Variants in PCDH11X observed in about 807,000 individuals in gnomAD.
The protein encoded by PCDH11X is protocadherin-11 X-linked.
PCDH11X carries 18 observed loss-of-function variants against 53.3 expected under a neutral mutation model. The ratio of observed to expected loss-of-function variants is 0.34; its 90% confidence interval spans 0.23 to 0.50. The LOEUF is 0.50. Ranked by LOEUF, PCDH11X falls within the 20% of genes least tolerant of loss-of-function variation. The probability of loss-of-function intolerance (pLI) is 0.98; values close to 1 mark genes in which losing one functional copy is unlikely to be tolerated. For missense variants in PCDH11X, 570 were observed against 1,032.4 expected (o/e 0.55, Z 6.14); for synonymous variants, 279 against 393.3 (o/e 0.71, Z 3.44).
At chrX:92,324,384 C>T (rs1476681213) in intron 8 of PCDH11X, among the ~76,000 whole-genome samples, 2 of 111,195 alleles carry the variant, frequency 1.8e-5, no homozygotes, top group East Asian at 5.6e-4. Context: ...CAATCTCTTT[C>T]TTCCACGTCA....
intron 6 of PCDH11X, among the ~76,000 whole-genome samples, chrX:92,064,750 C>T (rs2063580085): frequency 1.8e-5 from 2 of 109,207 alleles, no homozygotes; most frequent in Non-Finnish European, 3.8e-5. Context: ...TTGTTTTTCT[C>T]CCCGGGGGAG....
intron 6 of PCDH11X, among the ~76,000 whole-genome samples, chrX:92,140,431 A>T (rs2065159833): frequency 1.8e-5 from 2 of 110,026 alleles, no homozygotes; most frequent in Admixed American, 9.7e-5. Flanking sequence ...GTAGCTATAG[A>T]TTTTATTTAG....
At chrX:92,250,847 G>A (rs973628513) in intron 7 of PCDH11X, among the ~76,000 whole-genome samples, 4 of 108,962 alleles carry the variant, frequency 3.7e-5, no homozygotes, top group Non-Finnish European at 5.7e-5. Context: ...TTGAGAAATG[G>A]GAATATAAGA....
At chrX:92,286,286 T>A (rs1383907980) in intron 8 of PCDH11X, among the ~76,000 whole-genome samples, 1 of 108,616 alleles carries the variant, frequency 9.2e-6, no homozygotes, top group African/African-American at 3.4e-5. Context: ...CAGGAAAAAA[T>A]TATTTAATGT....
chrX:92,303,067 A>G (rs1341072063), intron 8 of PCDH11X, among the ~76,000 whole-genome samples: 2 of 108,578 alleles, frequency 1.8e-5, no homozygotes, highest in African/African-American at 3.3e-5. Context: ...GCTGTAGGAC[A>G]TCCTGTTGAA....
chrX:92,535,797 T>A (rs2074647385), intron 10 of PCDH11X, among the ~76,000 whole-genome samples: 1 of 111,832 alleles, frequency 8.9e-6, no homozygotes, highest in African/African-American at 3.2e-5. Context: ...CTACTCTAAT[T>A]TAAATGTAAT....
chrX:92,303,369 A>G (rs1286867464), intron 8 of PCDH11X, among the ~76,000 whole-genome samples: 1 of 110,642 alleles, frequency 9.0e-6, no homozygotes, highest in African/African-American at 3.3e-5. Context: ...ATTGCCTGAC[A>G]GAGTTTCAAG....
intron 9 of PCDH11X, among the ~76,000 whole-genome samples, chrX:92,467,445 T>G (rs181482950): frequency 7.2e-5 from 8 of 111,321 alleles, no homozygotes; most frequent in African/African-American, 2.6e-4. Context: ...ATTAAATAAT[T>G]CCTAAAATGC....
At chrX:92,476,233 C>T (rs2073383100) in intron 10 of PCDH11X, among the ~76,000 whole-genome samples, 1 of 111,502 alleles carries the variant, frequency 9.0e-6, no homozygotes, top group African/African-American at 3.3e-5. Context: ...TGAGGCCTCC[C>T]CAACCACGTG....
Position 92,107,001 on chromosome X carries a change from A to T in PCDH11X, c.3034-94374A>T, listed in dbSNP as rs377573448. ...CCTATTACTTGGAGGCCTCCTCTGC[A>T]TGATAAAATCGAGGTCTCCACCACC... On this transcript the variant is annotated intron_variant, in intron 6 of 10. Transcript: ENST00000682573. Among the ~76,000 whole-genome samples, 8 of 111,907 alleles carry T rather than the reference A, an allele frequency of 7.1e-5. No homozygotes were observed. The South Asian group carries it at 3.0e-3, about 42-fold the overall frequency.
rs767158029 is a variant in PCDH11X, at chrX:92,345,782, T to G, written c.3145-41953T>G. On this transcript the variant is annotated intron_variant, in intron 8 of 10. Transcript: ENST00000682573. ...GAAGTTACTCTGCAAGTTACCTTAA[T>G]AAACTCATTCATTATTTTTCAGAAT... is the stretch of plus-strand genomic sequence containing the variant. Among the ~76,000 whole-genome samples, 23 of 110,410 alleles carry G rather than the reference T, an allele frequency of 2.1e-4. No homozygotes were observed. The East Asian group carries it at 6.0e-3, about 29-fold the overall frequency.
chrX:91,890,405 C>A (rs1940420380), intron 6 of PCDH11X, among the ~76,000 whole-genome samples: 1 of 109,540 alleles, frequency 9.1e-6, no homozygotes, highest in African/African-American at 3.3e-5. Flanking sequence ...CTTGTCATAT[C>A]CAGTACATTC....
intron 5 of PCDH11X, among the ~76,000 whole-genome samples, chrX:91,848,242 C>G (rs1173919376): frequency 1.9e-5 from 2 of 108,071 alleles, no homozygotes; most frequent in Non-Finnish European, 3.8e-5. Flanking sequence ...CGCTGTTGCC[C>G]AGGCTGAAGT....
At chrX:92,377,219 A>T (rs1424161808) in intron 8 of PCDH11X, among the ~76,000 whole-genome samples, 1 of 111,821 alleles carries the variant, frequency 8.9e-6, no homozygotes, top group African/African-American at 3.2e-5. Context: ...CTCAGAAATC[A>T]GAACTTTTGG....
At chrX:92,212,003 A>G in intron 7 of PCDH11X, among the ~76,000 whole-genome samples, 1 of 55,468 alleles carries the variant, frequency 1.8e-5, no homozygotes, top group African/African-American at 6.5e-5. Flanking sequence ...GCCACTTGCA[A>G]TGCTTTTTTT....
chrX:91,788,926 G>T (rs1183553147), intron 1 of PCDH11X, among the ~76,000 whole-genome samples: 1 of 111,765 alleles, frequency 8.9e-6, no homozygotes, highest in Non-Finnish European at 1.9e-5. Flanking sequence ...TTGGCTGGTC[G>T]CAGCGGCTCA....
intron 6 of PCDH11X, among the ~76,000 whole-genome samples, chrX:91,909,866 A>G (rs1410639871): frequency 9.0e-6 from 1 of 111,684 alleles, no homozygotes; most frequent in African/African-American, 3.3e-5. Flanking sequence ...TTGTGAAATG[A>G]TTACCACTAT....
At chrX:91,986,834 G>C (rs2147936718) in intron 6 of PCDH11X, among the ~76,000 whole-genome samples, 1 of 110,206 alleles carries the variant, frequency 9.1e-6, no homozygotes, top group African/African-American at 3.3e-5. Context: ...GGTCACTTTT[G>C]CTATGTGAGA....
intron 8 of PCDH11X, among the ~76,000 whole-genome samples, chrX:92,382,497 G>A (rs1429130249): frequency 9.0e-6 from 1 of 111,452 alleles, no homozygotes; most frequent in African/African-American, 3.3e-5. Context: ...GTTGTGAAAT[G>A]TAAAAATATT....
Sources: allele counts gnomAD v4.1 joint callset (sites outside exome capture counted in the v4.1 genomes callset), GRCh38; gene constraint gnomAD v4.1.1; transcripts MANE v1.5; gene names NCBI Gene and HGNC (gene_info 2026-07-23, HGNC 2026-07-21).